NUDCD2: variants seen among roughly 807,000 people sequenced by gnomAD.
NUDCD2 encodes NudC domain containing 2.
NUDCD2 carries 16 observed loss-of-function variants against 20.8 expected under a neutral mutation model. That is an observed-to-expected ratio of 0.77 (90% CI 0.52 to 1.17). The LOEUF (loss-of-function observed/expected upper bound fraction) is 1.17, where lower values mean the gene tolerates loss of function less well. Ranked by LOEUF, NUDCD2 falls within the 50% of genes most tolerant of loss-of-function variation. The pLI is 0.00. For missense variants in NUDCD2, 199 were observed against 193.9 expected, an observed-to-expected ratio of 1.03 and a Z score of -0.16; for synonymous variants, 87 against 72.8, an observed-to-expected ratio of 1.20 and a Z score of -1.00.
rs769141447 is a variant in NUDCD2, at chr5:163,460,040, G to A, written c.11C>T (p.Pro4Leu). The A allele has an allele frequency of 5.7e-6, 9 of 1,590,648 alleles. No individual in the cohort carries two copies. Among genetic ancestry groups the A allele is most frequent in the South Asian group, 2.3e-5 (2 of 88,652 alleles). Residue 4 changes from proline to leucine, a missense_variant, in exon 1 of 4, where the codon CCG becomes CTG. Pro to Leu is a moderately conservative substitution (Grantham distance 98). Coordinates refer to ENST00000302764, the MANE Select transcript of NUDCD2 (RefSeq NM_145266.6). MSAPFEERSGVVPC... is the reference protein window; with the variant it reads MSALFEERSGVVPC... ...TACCACCCCACTCCGCTCCTCAAAC[G>A]GGGCCGACATAATCCAGTCCCTCCC...
Position 163,454,048 on chromosome 5 carries a change from AT to A in NUDCD2, c.392del (p.Asn131IlefsTer47). 6.6e-7 allele frequency: 1 copy of A among 1,520,714 alleles called. No individual in the cohort carries two copies. The allele number at this position is 1,520,714 out of a possible 1,614,324, so 94.2% of individuals were successfully genotyped here. ...CTGCTCCACTGAAGTCAAAACCAGGATTCTAAAAGATACAAACATATATATA... is the reference window on the plus strand; with the variant it reads ...CTGCTCCACTGAAGTCAAAACCAGGATCTAAAAGATACAAACATATATATA... ...KLTLERFQKE[N>X]PGFDFSGAEI... On this transcript the variant is annotated frameshift_variant and splice_region_variant, in exon 4 of 4. Coordinates refer to ENST00000302764, the MANE Select transcript of NUDCD2 (RefSeq NM_145266.6). LOFTEE classifies it high-confidence loss of function.
intron 2 of NUDCD2, 93 bp from the exon 3 acceptor site, chr5:163,457,173 C>T (rs958110934): frequency 1.6e-5 from 21 of 1,329,892 alleles, no homozygotes; most frequent in Middle Eastern, 2.6e-4. Context: ...TCACTCTCAC[C>T]CAGGCTGGAG....
intron 3 of NUDCD2, 82 bp downstream of exon 3, chr5:163,456,847 C>A: frequency 9.9e-7 from 1 of 1,005,248 alleles, no homozygotes. Context: ...TTCATAATGA[C>A]ATTTGAGTTT....
intron 3 of NUDCD2, among the ~76,000 whole-genome samples, chr5:163,455,915 AAGGTAGCATC>A (rs1173966167): frequency 1.3e-5 from 2 of 152,178 alleles, no homozygotes; most frequent in African/African-American, 4.8e-5. Flanking sequence ...ATATATTTCG[AAGGTAGCATC>A]AGTAAGATTT....
chr5:163,455,524 G>C lies in NUDCD2; in HGVS notation c.390+1405C>G, dbSNP rs1758279403. On this transcript the variant is annotated intron_variant, in intron 3 of 3. Transcript: ENST00000302764. ...CACGCCTGTAATCCCGGCACTTTGG[G>C]AGGCCAAGGCGGGCGGATCACGAGG... is the stretch of plus-strand genomic sequence containing the variant. 2.0e-5 allele frequency among the ~76,000 whole-genome samples: 3 copies of C among 152,208 alleles called. No homozygotes were observed. The South Asian group carries it at 6.2e-4, about 32-fold the overall frequency.
Position 163,460,081 on chromosome 5 carries a change from A to G in NUDCD2, c.-31T>C. The G allele has an allele frequency of 1.3e-6, 2 of 1,512,206 alleles. No homozygotes were observed. The highest frequency in any genetic ancestry group is 1.8e-6 in the Non-Finnish European group (2 of 1,131,210). The allele number at this position is 1,512,206 out of a possible 1,614,324, so 93.7% of individuals were successfully genotyped here. Reference sequence around the variant, plus strand: ...AGTCCCTCCCGGCCGCGGCCGCACCAGGCGGAGCCGAGCGCACGCGCGGAA... The same window carrying G: ...AGTCCCTCCCGGCCGCGGCCGCACCGGGCGGAGCCGAGCGCACGCGCGGAA... On this transcript the variant is annotated 5_prime_UTR_variant, in exon 1 of 4. Transcript: ENST00000302764.
rs1758236599 is a variant in NUDCD2, at chr5:163,453,778, C to G, written c.*189G>C. 2.5e-6 allele frequency: 1 copy of G among 392,230 alleles called. No homozygotes were observed. The highest frequency in any genetic ancestry group is 2.1e-5 in the African/African-American group (1 of 48,098). 24.3% of individuals were successfully genotyped at this position (392,230 alleles called of 1,614,324 possible). A position where few individuals can be genotyped will look rare whatever the true frequency, so the allele number is the denominator to read the frequency against. On this transcript the variant is annotated 3_prime_UTR_variant, in exon 4 of 4. Transcript: ENST00000302764. ...GTCCAAAACAACTTTACCATATATCCATAGAATAGTTCCCACAGTACATTT... is the reference window on the plus strand; with the variant it reads ...GTCCAAAACAACTTTACCATATATCGATAGAATAGTTCCCACAGTACATTT...
chr5:163,448,287 A>G lies in NUDCD2; in HGVS notation c.*5680T>C, dbSNP rs1758092577. ...AAAACTAATTTTTGAAAAGAGCAGT[A>G]AAATTGATAAACCTCTGGCAAAATT... is the stretch of plus-strand genomic sequence containing the variant. On this transcript the variant is annotated 3_prime_UTR_variant, in exon 4 of 4. Coordinates refer to ENST00000302764, the MANE Select transcript of NUDCD2 (RefSeq NM_145266.6). The G allele has an allele frequency of 6.6e-6, 1 of 152,202 alleles. No individual in the cohort carries two copies. The highest frequency in any genetic ancestry group is 6.5e-5 in the Admixed American group (1 of 15,286). The allele number at this position is 152,202 out of a possible 1,614,324, so 9.4% of individuals were successfully genotyped here.
At position 163,447,377 on chromosome 5, in the gene NUDCD2, G is replaced by A. The variant is rs181938230; in HGVS notation, c.*6590C>T. 7 of 151,512 alleles carry A rather than the reference G, an allele frequency of 4.6e-5. No individual in the cohort carries two copies. Among genetic ancestry groups the A allele is most frequent in the Admixed American group, 2.6e-4 (4 of 15,220 alleles). The allele number at this position is 151,512 out of a possible 1,614,324, so 9.4% of individuals were successfully genotyped here. On this transcript the variant is annotated 3_prime_UTR_variant, in exon 4 of 4. Transcript: ENST00000302764. The stretch of plus-strand genomic sequence containing the variant: ...GAGGTGGGAAGACTGTCTGAGCCCA[G>A]GAGTTTGAGGCTGCAGTGAAGCATG...
In NUDCD2 at chr5:163,451,275, T is replaced by A. The variant is rs1404788948; in HGVS notation, c.*2692A>T. ...CACCTTAAATGGGTGAAATGTATGT[T>A]GTTACAATAAAGCGTTTTTCTTAAT... On this transcript the variant is annotated 3_prime_UTR_variant, in exon 4 of 4. Coordinates refer to ENST00000302764, the MANE Select transcript of NUDCD2 (RefSeq NM_145266.6). The A allele has an allele frequency of 6.6e-6, 1 of 152,204 alleles. No individual in the cohort carries two copies. The highest frequency in any genetic ancestry group is 1.5e-5 in the Non-Finnish European group (1 of 68,030). 9.4% of individuals were successfully genotyped at this position (152,204 alleles called of 1,614,324 possible).
rs1005843308 is a variant in NUDCD2 at position 163,449,925 on chromosome 5, T to G, written c.*4042A>C. ...ATTAACCTAAAATGGATCACGGATC[T>G]AAATGTAGAACTAAATTTATAAAAT... On this transcript the variant is annotated 3_prime_UTR_variant, in exon 4 of 4. Coordinates refer to ENST00000302764, the MANE Select transcript of NUDCD2 (RefSeq NM_145266.6). The G allele has an allele frequency of 6.6e-5, 10 of 152,180 alleles. No homozygotes were observed. The highest frequency in any genetic ancestry group is 1.0e-4 in the Non-Finnish European group (7 of 68,038). The allele number at this position is 152,180 out of a possible 1,614,324, so 9.4% of individuals were successfully genotyped here. A position where few individuals can be genotyped will look rare whatever the true frequency, so the allele number is the denominator to read the frequency against.
At chr5:163,459,696 C>G in intron 1 of NUDCD2, 166 bp downstream of exon 1, 1 of 519,632 alleles carries the variant, frequency 1.9e-6, no homozygotes, top group South Asian at 2.8e-5. Context: ...CAGCACCTGC[C>G]CTGAAGAGGC....
Position 163,459,851 on chromosome 5 carries a change from G to A in NUDCD2, c.189+11C>T. ...AGAGGAAACTGAACACAAGCCCCGA[G>A]CTGCCGCTACCTTGAGGATCTCGCG... On this transcript the variant is annotated intron_variant, in intron 1 of 3. Coordinates refer to ENST00000302764, the MANE Select transcript of NUDCD2 (RefSeq NM_145266.6). 6.3e-7 allele frequency: 1 copy of A among 1,589,790 alleles called. No individual in the cohort carries two copies. Among genetic ancestry groups the A allele is most frequent in the Non-Finnish European group, 8.6e-7 (1 of 1,168,706 alleles).
rs73798829 is a variant in NUDCD2 at position 163,460,084 on chromosome 5, C to A, written c.-34G>T. 29 of 1,505,878 alleles carry A rather than the reference C, an allele frequency of 1.9e-5. No individual in the cohort carries two copies. The South Asian group carries it at 3.2e-4, about 16-fold the overall frequency. 93.3% of individuals were successfully genotyped at this position (1,505,878 alleles called of 1,614,324 possible). On this transcript the variant is annotated 5_prime_UTR_variant, in exon 1 of 4. Transcript: ENST00000302764. ...CCCTCCCGGCCGCGGCCGCACCAGG[C>A]GGAGCCGAGCGCACGCGCGGAATCC...
Position 163,451,273 on chromosome 5 carries a change from G to A in NUDCD2, c.*2694C>T, listed in dbSNP as rs1758168635. 6.6e-6 allele frequency: 1 copy of A among 152,158 alleles called. No individual in the cohort carries two copies. 9.4% of individuals were successfully genotyped at this position (152,158 alleles called of 1,614,324 possible). On this transcript the variant is annotated 3_prime_UTR_variant, in exon 4 of 4. Transcript: ENST00000302764. ...CACACCTTAAATGGGTGAAATGTAT[G>A]TTGTTACAATAAAGCGTTTTTCTTA...
Position 163,457,563 on chromosome 5 carries a change from C to T in NUDCD2, c.237G>A (p.Leu79=). The change falls in exon 2 of 4, where the codon TTG becomes TTA. Residue 79 remains leucine (L), a splice_region_variant and synonymous_variant. Transcript: ENST00000302764. ...ATGAATTATAGTAATTACCCTTACC[C>T]AAAGTCCATGTTCCCTCATCAGCTA... is the stretch of plus-strand genomic sequence containing the variant. ...STIADEGTWT[L]EDRKMVRIVL... 1 of 1,556,898 alleles carries T rather than the reference C, an allele frequency of 6.4e-7. No homozygotes were observed. The highest frequency in any genetic ancestry group is 1.4e-5 in the African/African-American group (1 of 73,864).
rs1758140095 is a variant in NUDCD2 at position 163,450,057 on chromosome 5, C to A, written c.*3910G>T. The stretch of plus-strand genomic sequence containing the variant: ...TCCGTTGAGGTCAGTTCAAGACCAG[C>A]CTAGCCTATATGGTGAAATCCCAAC... On this transcript the variant is annotated 3_prime_UTR_variant, in exon 4 of 4. Transcript: ENST00000302764. 1 of 151,864 alleles carries A rather than the reference C, an allele frequency of 6.6e-6. No individual in the cohort carries two copies. 9.4% of individuals were successfully genotyped at this position (151,864 alleles called of 1,614,324 possible).
rs1166855813 is a variant in NUDCD2, at chr5:163,452,220, A to T, written c.*1747T>A. 6.6e-6 allele frequency: 1 copy of T among 152,230 alleles called. No individual in the cohort carries two copies. Among genetic ancestry groups the T allele is most frequent in the Non-Finnish European group, 1.5e-5 (1 of 68,038 alleles). 9.4% of individuals were successfully genotyped at this position (152,230 alleles called of 1,614,324 possible). A position where few individuals can be genotyped will look rare whatever the true frequency, so the allele number is the denominator to read the frequency against. On this transcript the variant is annotated 3_prime_UTR_variant, in exon 4 of 4. Transcript: ENST00000302764. Reference sequence around the variant, plus strand: ...TACATAGATGCAGAAATATAGATGTAAAGACATGCATTATATATACACACC... The same window carrying T: ...TACATAGATGCAGAAATATAGATGTTAAGACATGCATTATATATACACACC...
In NUDCD2 at chr5:163,459,946, C is replaced by A. The variant is rs1323320778; in HGVS notation, c.105G>T (p.Pro35=). The part of the protein sequence containing the change: ...LEEVFIEVQV[P]PGTRAQDIQC... ...GGATATCCTGGGCGCGCGTGCCTGGCGGCACCTGAACTTCAATGAACACCT... is the reference window on the plus strand; with the variant it reads ...GGATATCCTGGGCGCGCGTGCCTGGAGGCACCTGAACTTCAATGAACACCT... Residue 35 remains proline, a synonymous_variant, in exon 1 of 4, where the codon CCG becomes CCT. Transcript: ENST00000302764. 2.5e-6 allele frequency: 4 copies of A among 1,613,494 alleles called. No homozygotes were observed. The East Asian group carries it at 6.7e-5, about 27-fold the overall frequency.
Sources: gnomAD v4.1 joint callset for allele counts (sites outside exome capture counted in the v4.1 genomes callset) on GRCh38, gnomAD v4.1.1 for gene constraint, MANE v1.5 for transcripts, NCBI Gene and HGNC (gene_info 2026-07-23, HGNC 2026-07-21) for gene names.